Variants in DSP observed in about 807,000 individuals in gnomAD.
DSP encodes the protein desmoplakin.
Under a neutral mutation model 290.6 loss-of-function variants are expected in DSP, and 114 were observed. The ratio of observed to expected loss-of-function variants is 0.39; its 90% CI spans 0.34 to 0.46. DSP has a LOEUF of 0.46. DSP is among the 20% of genes least tolerant of loss of function. The probability of loss-of-function intolerance (pLI) is 0.99; values close to 1 mark genes in which losing one functional copy is unlikely to be tolerated. For synonymous variants in DSP, 1,311 were observed against 1,316.4 expected, an observed-to-expected ratio of 1.00 and a Z score of 0.09; for missense variants, 3,230 against 3,495.8, an observed-to-expected ratio of 0.92 and a Z score of 1.92.
At position 7,574,692 on chromosome 6, in the gene DSP, T is replaced by C. The variant is rs1337668206; in HGVS notation, c.2333T>C (p.Leu778Pro). The C allele has an allele frequency of 6.2e-7, 1 of 1,614,116 alleles. No individual in the cohort carries two copies. Among genetic ancestry groups the C allele is most frequent in the Non-Finnish European group, 8.5e-7 (1 of 1,180,006 alleles). The change falls in exon 17 of 24, where the codon CTC becomes CCC. Residue 778 changes from leucine (L) to proline (P), a missense_variant. By Grantham distance (98) the Leu-to-Pro change is moderately conservative (BLOSUM62 -3). This residue lies in a region of DSP where 1,714 missense variants were observed against 1,844.5 expected (regional missense o/e 0.93). Transcript: ENST00000379802. ...GTAAGGGCACTGCTCCAGGCTATTC[T>C]CCAAACAGAAGACATGTTAAAGGTT... ...CTVRALLQAILQTEDMLKVYE... is the reference protein window; with the variant it reads ...CTVRALLQAIPQTEDMLKVYE...
chr6:7,554,667 C>G (rs1250765654), intron 1 of DSP, among the ~76,000 whole-genome samples: 4 of 152,064 alleles, frequency 2.6e-5, no homozygotes, highest in Non-Finnish European at 5.9e-5. Flanking sequence ...TTTTTACAGA[C>G]AGGGTCTCAC....
rs1759362068 is a variant in DSP, at chr6:7,579,823, A to C, written c.3633A>C (p.Glu1211Asp). 4.3e-6 allele frequency: 7 copies of C among 1,614,174 alleles called. No individual in the cohort carries two copies. The highest frequency in any genetic ancestry group is 5.9e-6 in the Non-Finnish European group (7 of 1,180,040). The change falls in exon 23 of 24, where the codon GAA (glutamate) becomes GAC (aspartate). Residue 1211 changes from glutamate to aspartate, a missense_variant. Physicochemically the swap from Glu to Asp is conservative, Grantham distance 45. Transcript: ENST00000379802. The surrounding 1 kb of genome is among the most constrained non-coding windows in gnomAD (Gnocchi z 4.1). The part of the protein sequence containing the change: ...EEMSNLRNKY[E>D]TEINITKTTI... ...TGAGTAATTTAAGGAACAAGTATGA[A>C]ACAGAGATTAACATTACGAAGACCA...
chr6:7,571,360 C>A (rs1249831101), intron 13 of DSP, 23 bp from the exon 14 acceptor site: 7 of 1,613,874 alleles, frequency 4.3e-6, no homozygotes, highest in Non-Finnish European at 5.9e-6. Context: ...AATCCCAAAT[C>A]ACTTCTGCCT....
Position 7,541,697 on chromosome 6 carries a change from C to A in DSP, c.-219C>A. ...CTCTGCGCCCTTGCCGCCCTCCGAGCCACAGCTTTCCTCCCGCTCCTGCCC... is the reference window on the plus strand; with the variant it reads ...CTCTGCGCCCTTGCCGCCCTCCGAGACACAGCTTTCCTCCCGCTCCTGCCC... On this transcript the variant is annotated 5_prime_UTR_variant, in exon 1 of 24. Transcript: ENST00000379802. 1.7e-6 allele frequency: 1 copy of A among 587,532 alleles called. No individual in the cohort carries two copies. The highest frequency in any genetic ancestry group is 2.9e-6 in the Non-Finnish European group (1 of 343,950). 36.4% of individuals were successfully genotyped at this position (587,532 alleles called of 1,614,324 possible).
At position 7,565,210 on chromosome 6, in the gene DSP, C is replaced by A; in HGVS notation, c.778-149C>A. Reference sequence around the variant, plus strand: ...GATTTGGATGGGTCTTTTCCCATACCAGGTGGTCAGTGAATGCACAAGGTT... The same window carrying A: ...GATTTGGATGGGTCTTTTCCCATACAAGGTGGTCAGTGAATGCACAAGGTT... On this transcript the variant is annotated intron_variant, in intron 6 of 23. Coordinates refer to ENST00000379802, the MANE Select transcript of DSP (RefSeq NM_004415.4). This position sits in a 1 kb window ranked among gnomAD's most constrained non-coding sequence, Gnocchi z 4.2. 1 of 1,001,678 alleles carries A rather than the reference C, an allele frequency of 1.0e-6. No homozygotes were observed. The highest frequency in any genetic ancestry group is 1.5e-6 in the Non-Finnish European group (1 of 669,076). 62.0% of individuals were successfully genotyped at this position (1,001,678 alleles called of 1,614,324 possible). A position where few individuals can be genotyped will look rare whatever the true frequency, so the allele number is the denominator to read the frequency against.
rs879917523 is a variant in DSP, at chr6:7,565,148, C to CAA, written c.778-200_778-199dup. On this transcript the variant is annotated intron_variant, in intron 6 of 23. Coordinates refer to ENST00000379802, the MANE Select transcript of DSP (RefSeq NM_004415.4). This position sits in a 1 kb window ranked among gnomAD's most constrained non-coding sequence, Gnocchi z 4.2. ...GGGAGACGAGAGCGACAGTCCGTCT[C>CAA]AAAAAAAAAAAAGTTGCTGCCTTCT... is the stretch of plus-strand genomic sequence containing the variant. 7.0e-6 allele frequency among the ~76,000 whole-genome samples: 1 copy of CAA among 143,584 alleles called. No homozygotes were observed. The allele number at this position is 143,584 out of a possible 152,430, so 94.2% of individuals were successfully genotyped here.
At position 7,580,245 on chromosome 6, in the gene DSP, G is replaced by A. The variant is rs757808893; in HGVS notation, c.4055G>A (p.Arg1352Lys). The A allele has an allele frequency of 1.9e-6, 3 of 1,614,026 alleles. No homozygotes were observed. Among genetic ancestry groups the A allele is most frequent in the Non-Finnish European group, 2.5e-6 (3 of 1,180,006 alleles). ...TATGAAAATGAACTGAGTAAGGTAA[G>A]AAACAATTATGATGAGGAGATCATT... ...WEYENELSKV[R>K]NNYDEEIISL... Residue 1352 changes from arginine (R) to lysine (K), a missense_variant, in exon 23 of 24, where the codon AGA (arginine) becomes AAA (lysine). Arg to Lys is a conservative substitution (Grantham distance 26). This residue lies in a region of DSP where 1,714 missense variants were observed against 1,844.5 expected (regional missense o/e 0.93). Transcript: ENST00000379802. The surrounding 1 kb of genome is among the most constrained non-coding windows in gnomAD (Gnocchi z 4.2).
chr6:7,578,412 A>G, intron 21 of DSP, 52 bp from the exon 22 acceptor site: 1 of 1,430,530 alleles, frequency 7.0e-7, no homozygotes. Context: ...ATTACATAGG[A>G]CTTTTTTTTT....
Position 7,582,813 on chromosome 6 carries a change from C to A in DSP, c.5551C>A (p.Gln1851Lys). 2 of 1,613,980 alleles carry A rather than the reference C, an allele frequency of 1.2e-6. No homozygotes were observed. The highest frequency in any genetic ancestry group is 1.7e-6 in the Non-Finnish European group (2 of 1,180,022). Residue 1851 changes from glutamine (Q) to lysine (K), a missense_variant, in exon 24 of 24, where the codon CAG (glutamine) becomes AAG (lysine). Coordinates refer to ENST00000379802, the MANE Select transcript of DSP (RefSeq NM_004415.4). The surrounding 1 kb of genome is among the most constrained non-coding windows in gnomAD (Gnocchi z 4.2). The stretch of plus-strand genomic sequence containing the variant: ...TCTAGAGGCAGAAACCAGGGTGAAA[C>A]AGCGCCTGGAGTGTGAGAAACAGCA... The part of the protein sequence containing the change: ...STLEAETRVK[Q>K]RLECEKQQIQ...
intron 17 of DSP, among the ~76,000 whole-genome samples, 186 bp from the exon 18 acceptor site, chr6:7,575,109 A>G (rs987607100): frequency 2.0e-5 from 3 of 152,216 alleles, no homozygotes; most frequent in African/African-American, 7.2e-5. Context: ...AAAGAACAAG[A>G]TTATTGGAAC....
In DSP at chr6:7,582,893, T is replaced by C. The variant is rs1231651139; in HGVS notation, c.5631T>C (p.Ala1877=). The C allele has an allele frequency of 9.9e-6, 16 of 1,613,788 alleles. No homozygotes were observed. The highest frequency in any genetic ancestry group is 2.7e-5 in the African/African-American group (2 of 74,788). ...CTCAATATTCCCGCAAGGAGGAGGC[T>C]ATTAGGAAGATAGAATCGGAAAGAG... The part of the protein sequence containing the change: ...WKTQYSRKEE[A]IRKIESEREK... The change falls in exon 24 of 24, where the codon GCT becomes GCC. Residue 1877 remains alanine (A), a synonymous_variant. Coordinates refer to ENST00000379802, the MANE Select transcript of DSP (RefSeq NM_004415.4). The surrounding 1 kb of genome is among the most constrained non-coding windows in gnomAD (Gnocchi z 4.2).
intron 8 of DSP, among the ~76,000 whole-genome samples, 153 bp downstream of exon 8, chr6:7,566,634 C>T (rs569879699): frequency 2.0e-5 from 3 of 152,332 alleles, no homozygotes; most frequent in African/African-American, 4.8e-5. Context: ...TTGGCAAACT[C>T]TTTTCAGGAA....
In DSP at chr6:7,582,783, T is replaced by C; in HGVS notation, c.5521T>C (p.Ser1841Pro). ...RLEDELNRAK[S>P]TLEAETRVKQ... ...GGAGGATGAGCTGAATCGTGCAAAA[T>C]CAACTCTAGAGGCAGAAACCAGGGT... Residue 1841 changes from serine (S) to proline (P), a missense_variant, in exon 24 of 24, where the codon TCA becomes CCA. Physicochemically the swap from Ser to Pro is moderately conservative, Grantham distance 74 (BLOSUM62 -1). This residue lies in a region of DSP where 1,714 missense variants were observed against 1,844.5 expected (regional missense o/e 0.93). Coordinates refer to ENST00000379802, the MANE Select transcript of DSP (RefSeq NM_004415.4). The surrounding 1 kb of genome is among the most constrained non-coding windows in gnomAD (Gnocchi z 4.2). 6.2e-7 allele frequency: 1 copy of C among 1,613,594 alleles called. No homozygotes were observed. Among genetic ancestry groups the C allele is most frequent in the Non-Finnish European group, 8.5e-7 (1 of 1,179,928 alleles).
chr6:7,571,039 G>C (rs1178458350), intron 13 of DSP, among the ~76,000 whole-genome samples: 1 of 152,180 alleles, frequency 6.6e-6, no homozygotes, highest in Non-Finnish European at 1.5e-5. Context: ...GGATGGAAGT[G>C]AGGAGAGGGG....
chr6:7,549,799 G>C (rs907395086), intron 1 of DSP, among the ~76,000 whole-genome samples: 2 of 152,162 alleles, frequency 1.3e-5, no homozygotes, highest in South Asian at 4.1e-4. Context: ...GGAAGGAAAG[G>C]AGTCCAGTTA....
chr6:7,582,570 G>A lies in DSP; in HGVS notation c.5380-72G>A. 5 of 1,330,686 alleles carry A rather than the reference G, an allele frequency of 3.8e-6. No homozygotes were observed. The highest frequency in any genetic ancestry group is 2.1e-6 in the Non-Finnish European group (2 of 936,124). The allele number at this position is 1,330,686 out of a possible 1,614,324, so 82.4% of individuals were successfully genotyped here. ...TTTAAAGATAGATACACAAAAGAAA[G>A]TTAAGTCGTGATAGTAATATGATAT... On this transcript the variant is annotated intron_variant, in intron 23 of 23. Coordinates refer to ENST00000379802, the MANE Select transcript of DSP (RefSeq NM_004415.4). The surrounding 1 kb of genome is among the most constrained non-coding windows in gnomAD (Gnocchi z 4.2).
In DSP at chr6:7,579,158, T is replaced by A; in HGVS notation, c.3085-117T>A. 7.2e-7 allele frequency: 1 copy of A among 1,394,972 alleles called. No individual in the cohort carries two copies. The highest frequency in any genetic ancestry group is 9.9e-7 in the Non-Finnish European group (1 of 1,015,218). The allele number at this position is 1,394,972 out of a possible 1,614,324, so 86.4% of individuals were successfully genotyped here. ...TGCCTAGTCACTCTTTGCATGTATG[T>A]CCATGTGTGTAAAGAGAAATAAGAA... is the stretch of plus-strand genomic sequence containing the variant. On this transcript the variant is annotated intron_variant, in intron 22 of 23. Transcript: ENST00000379802. The surrounding 1 kb of genome is among the most constrained non-coding windows in gnomAD (Gnocchi z 4.1).
At chr6:7,552,857 T>A (rs1758384973) in intron 1 of DSP, among the ~76,000 whole-genome samples, 1 of 152,182 alleles carries the variant, frequency 6.6e-6, no homozygotes, top group African/African-American at 2.4e-5. Flanking sequence ...TTATCCTGGA[T>A]GTAATTCGTT....
At chr6:7,562,503 G>T in intron 4 of DSP, 149 bp from the exon 5 acceptor site, 1 of 1,396,364 alleles carries the variant, frequency 7.2e-7, no homozygotes. Context: ...TTAGCCATTT[G>T]GGAACCTTTA....
Sources: gnomAD v4.1 joint callset for allele counts (sites outside exome capture counted in the v4.1 genomes callset) on GRCh38, gnomAD v4.1.1 for gene constraint, gnomAD v4.1.1 regional missense constraint, Gnocchi (gnomAD v3.1) non-coding constraint, MANE v1.5 for transcripts, NCBI Gene and HGNC (gene_info 2026-07-23, HGNC 2026-07-21) for gene names.